DENND1A: variants seen among roughly 807,000 people sequenced by gnomAD.
DENND1A encodes the protein DENN domain containing 1A, also known as DENN domain-containing protein 1A.
DENND1A carries 51 observed loss-of-function variants against 113.7 expected under a neutral mutation model. The observed-to-expected ratio is 0.45, with a 90% CI of 0.36 to 0.57. The LOEUF is 0.57. Ranked by LOEUF, DENND1A falls within the 20% of genes least tolerant of loss-of-function variation. DENND1A has a pLI of 0.00. For missense variants in DENND1A, 1,258 were observed against 1,395.9 expected, an observed-to-expected ratio of 0.90 and a Z score of 1.57; for synonymous variants, 565 against 570.8, an observed-to-expected ratio of 0.99 and a Z score of 0.14.
chr9:123,602,791 T>C (rs533273675), intron 11 of DENND1A, among the ~76,000 whole-genome samples: 8 of 152,370 alleles, frequency 5.3e-5, no homozygotes, highest in African/African-American at 1.9e-4. Flanking sequence ...TGCCTCAGCC[T>C]TCTGAGTAGC....
chr9:123,752,947 C>G (rs1221776106), intron 5 of DENND1A, among the ~76,000 whole-genome samples: 1 of 152,066 alleles, frequency 6.6e-6, no homozygotes, highest in East Asian at 1.9e-4. Flanking sequence ...AATAATGTGG[C>G]AAATCTCAAG....
chr9:123,921,487 T>C (rs779068483), intron 1 of DENND1A, among the ~76,000 whole-genome samples: 5 of 152,228 alleles, frequency 3.3e-5, no homozygotes, highest in Non-Finnish European at 5.9e-5. Flanking sequence ...GTTTCCTTCC[T>C]TCCATTTATT....
At chr9:123,915,278 T>C (rs559473889) in intron 1 of DENND1A, among the ~76,000 whole-genome samples, 2 of 152,194 alleles carry the variant, frequency 1.3e-5, no homozygotes, top group East Asian at 3.9e-4. Context: ...GGGCTGAAAA[T>C]GTTATTTTAG....
intron 8 of DENND1A, among the ~76,000 whole-genome samples, chr9:123,657,037 C>G (rs2062985332): frequency 6.6e-6 from 1 of 152,222 alleles, no homozygotes; most frequent in South Asian, 2.1e-4. Context: ...AGCTACAAAG[C>G]TATCCCCCAC....
intron 2 of DENND1A, chr9:123,798,405 TATGA>T (rs1324155422): frequency 6.6e-6 from 1 of 152,194 alleles, no homozygotes; most frequent in African/African-American, 2.4e-5. Context: ...TTGTTGAAGT[TATGA>T]ATGTAGTACA....
At chr9:123,831,091 A>G (rs2768819) in intron 2 of DENND1A, among the ~76,000 whole-genome samples, 61,446 of 151,920 alleles carry the variant, frequency 0.4, 15,723 homozygotes, top group African/African-American at 0.73. Flanking sequence ...GAATCAATAA[A>G]ACAGCTTAGC....
intron 5 of DENND1A, among the ~76,000 whole-genome samples, chr9:123,692,016 G>T (rs959100675): frequency 6.6e-6 from 1 of 152,160 alleles, no homozygotes; most frequent in South Asian, 2.1e-4. Flanking sequence ...TGGCAGGAGA[G>T]GAGGGGAGCT....
Position 123,757,738 on chromosome 9 carries a change from T to G in DENND1A, c.267A>C (p.Leu89Phe), listed in dbSNP as rs1315667662. 6.2e-7 allele frequency: 1 copy of G among 1,614,068 alleles called. No individual in the cohort carries two copies. The highest frequency in any genetic ancestry group is 8.5e-7 in the Non-Finnish European group (1 of 1,179,992). The change falls in exon 5 of 24, where the codon TTA (leucine) becomes TTC (phenylalanine). Residue 89 changes from leucine (L) to phenylalanine (F), a missense_variant. Leu to Phe is a conservative substitution (Grantham distance 22). Coordinates refer to ENST00000394215, the MANE Select transcript of DENND1A (RefSeq NM_001352964.2). ...AGAAGCAGCTCTTCGCTCCTGAAGA[T>G]AAGCGGCAGAACCCGAATCTCTGTT... ...DSKQRFGFCR[L>F]SSGAKSCFCI... is the part of the protein sequence containing the mutation.
At chr9:123,787,604 C>T (rs1832380691) in intron 3 of DENND1A, among the ~76,000 whole-genome samples, 1 of 152,138 alleles carries the variant, frequency 6.6e-6, no homozygotes, top group South Asian at 2.1e-4. Context: ...GATGAAAACT[C>T]CATATTTAAG....
At chr9:123,550,450 C>T (rs115801996) in intron 13 of DENND1A, among the ~76,000 whole-genome samples, 6 of 152,344 alleles carry the variant, frequency 3.9e-5, no homozygotes, top group African/African-American at 7.2e-5. Context: ...GAAGAGGACG[C>T]GTCTTCAAAC....
intron 10 of DENND1A, among the ~76,000 whole-genome samples, chr9:123,618,097 G>A (rs751660313): frequency 1.3e-5 from 2 of 152,184 alleles, no homozygotes; most frequent in Non-Finnish European, 2.9e-5. Flanking sequence ...TTGCTGAGAG[G>A]TCACTCAGAG....
intron 13 of DENND1A, among the ~76,000 whole-genome samples, chr9:123,519,252 C>T (rs2054189892): frequency 6.6e-6 from 1 of 152,206 alleles, no homozygotes; most frequent in Admixed American, 6.5e-5. Context: ...TATTTCCCTA[C>T]AGTGTAAGCT....
At chr9:123,670,798 G>A (rs140423358) in intron 7 of DENND1A, among the ~76,000 whole-genome samples, 2 of 152,324 alleles carry the variant, frequency 1.3e-5, no homozygotes, top group East Asian at 1.9e-4. Context: ...CAAAACCTAC[G>A]AGGTATCAAG....
Position 123,557,672 on chromosome 9 carries a change from C to G in DENND1A, c.891G>C (p.Leu297=). 6.2e-7 allele frequency: 1 copy of G among 1,613,978 alleles called. No individual in the cohort carries two copies. The highest frequency in any genetic ancestry group is 1.1e-5 in the South Asian group (1 of 91,026). The change falls in exon 13 of 24, where the codon CTG becomes CTC. Residue 297 remains leucine, a synonymous_variant. Coordinates refer to ENST00000394215, the MANE Select transcript of DENND1A (RefSeq NM_001352964.2). ...CCCCAGTGGTTGTGGAGACCTTTTT[C>G]AGCCTGTTCTTCAGGGAAGAGATCT... The part of the protein sequence containing the change: ...NDVISSLKNR[L]KKVSTTTGDG...
intron 13 of DENND1A, among the ~76,000 whole-genome samples, chr9:123,465,219 T>C (rs1326167577): frequency 6.7e-6 from 1 of 150,068 alleles, no homozygotes; most frequent in Non-Finnish European, 1.5e-5. Context: ...GAAAAGCTCC[T>C]GTATCAAAGA....
At chr9:123,551,551 C>A (rs1564701580) in intron 13 of DENND1A, among the ~76,000 whole-genome samples, 1 of 152,184 alleles carries the variant, frequency 6.6e-6, no homozygotes. Flanking sequence ...CTGCAGCCTT[C>A]GCTCCATCCC....
intron 5 of DENND1A, among the ~76,000 whole-genome samples, chr9:123,710,976 A>G (rs1410685625): frequency 6.6e-6 from 1 of 152,134 alleles, no homozygotes; most frequent in Non-Finnish European, 1.5e-5. Flanking sequence ...CCCAGCCGGA[A>G]GAGATCTTTT....
chr9:123,589,213 G>A (rs1264537288), intron 11 of DENND1A, among the ~76,000 whole-genome samples: 1 of 151,916 alleles, frequency 6.6e-6, no homozygotes, highest in Non-Finnish European at 1.5e-5. Flanking sequence ...CCCCTTTTGT[G>A]GGATGTTATT....
chr9:123,738,337 A>G (rs554340075), intron 5 of DENND1A, among the ~76,000 whole-genome samples: 2 of 152,192 alleles, frequency 1.3e-5, no homozygotes, highest in Non-Finnish European at 2.9e-5. Flanking sequence ...ATTACATCAA[A>G]CATTGCCTTC....
Sources: allele counts gnomAD v4.1 joint callset (sites outside exome capture counted in the v4.1 genomes callset), GRCh38; gene constraint gnomAD v4.1.1; transcripts MANE v1.5; gene names NCBI Gene and HGNC (gene_info 2026-07-23, HGNC 2026-07-21).